SORCS3: variants seen among roughly 807,000 people sequenced by gnomAD.
The protein encoded by SORCS3 is sortilin related VPS10 domain containing receptor 3, also known as VPS10 domain-containing receptor SorCS3.
SORCS3 carries 57 observed loss-of-function variants against 146.3 expected under a neutral mutation model. That is an observed-to-expected ratio of 0.39 (90% CI 0.31 to 0.49). The LOEUF is 0.49. SORCS3 is among the 20% of genes least tolerant of loss of function. SORCS3 has a pLI of 0.92. For missense variants in SORCS3, 1,341 were observed against 1,575.5 expected, an observed-to-expected ratio of 0.85 and a Z score of 2.52; for synonymous variants, 653 against 618.5, an observed-to-expected ratio of 1.06 and a Z score of -0.83.
At chr10:104,833,934 C>T (rs1008270929) in intron 1 of SORCS3, among the ~76,000 whole-genome samples, 7 of 152,222 alleles carry the variant, frequency 4.6e-5, no homozygotes, top group Admixed American at 6.5e-5. Context: ...TCTCACAGTC[C>T]TCGTCTCATA....
intron 2 of SORCS3, among the ~76,000 whole-genome samples, chr10:104,910,172 C>G (rs1007042481): frequency 6.6e-6 from 1 of 152,106 alleles, no homozygotes; most frequent in Non-Finnish European, 1.5e-5. Context: ...TGGAGAGTAG[C>G]GTGAGTGACA....
intron 26 of SORCS3, 81 bp downstream of exon 26, chr10:105,262,572 C>T (rs1441232325): frequency 1.4e-6 from 2 of 1,430,568 alleles, no homozygotes; most frequent in East Asian, 2.4e-5. Context: ...CCATACATTA[C>T]TGGACTGGAG....
intron 22 of SORCS3, 107 bp from the exon 23 acceptor site, chr10:105,252,668 T>G: frequency 1.4e-6 from 2 of 1,410,780 alleles, no homozygotes; most frequent in Non-Finnish European, 2.0e-6. Context: ...AAAAGCTGCA[T>G]TTGAAAAACT....
chr10:105,242,905 T>TTA (rs1306035243), intron 20 of SORCS3, among the ~76,000 whole-genome samples: 6 of 83,870 alleles, frequency 7.2e-5, no homozygotes, highest in East Asian at 3.4e-4. Flanking sequence ...GATATATAAA[T>TTA]TATATATATA....
At chr10:105,102,577 C>T (rs776427180) in intron 6 of SORCS3, among the ~76,000 whole-genome samples, 8 of 152,074 alleles carry the variant, frequency 5.3e-5, no homozygotes, top group African/African-American at 9.7e-5. Flanking sequence ...CTATCGTGTG[C>T]TATGCTTATT....
chr10:105,129,140 T>C (rs2133770901), intron 7 of SORCS3, among the ~76,000 whole-genome samples: 1 of 152,188 alleles, frequency 6.6e-6, no homozygotes, highest in Admixed American at 6.5e-5. Flanking sequence ...TAGTACCTAG[T>C]TTGAGTATAT....
chr10:104,976,467 T>C (rs988178961), intron 3 of SORCS3, among the ~76,000 whole-genome samples: 2 of 152,212 alleles, frequency 1.3e-5, no homozygotes, highest in Non-Finnish European at 2.9e-5. Context: ...TTGGGGGGAC[T>C]GTAAACTAGT....
At chr10:105,243,638 G>A (rs1003556551) in intron 20 of SORCS3, among the ~76,000 whole-genome samples, 2 of 152,098 alleles carry the variant, frequency 1.3e-5, no homozygotes, top group Non-Finnish European at 2.9e-5. Context: ...GAACTCTGAG[G>A]TTTGCCCTTA....
At chr10:104,920,738 C>A (rs769057563) in intron 3 of SORCS3, among the ~76,000 whole-genome samples, 9 of 152,140 alleles carry the variant, frequency 5.9e-5, no homozygotes, top group Non-Finnish European at 1.3e-4. Flanking sequence ...AGGGTATAAT[C>A]ATTTCATCTA....
chr10:104,915,540 G>A (rs1177805399), intron 2 of SORCS3, among the ~76,000 whole-genome samples: 1 of 152,062 alleles, frequency 6.6e-6, no homozygotes, highest in Non-Finnish European at 1.5e-5. Context: ...GCGGGGCTGA[G>A]CAGCATGAGA....
At chr10:104,890,246 T>G (rs1474998532) in intron 2 of SORCS3, among the ~76,000 whole-genome samples, 2 of 152,136 alleles carry the variant, frequency 1.3e-5, no homozygotes, top group Non-Finnish European at 2.9e-5. Context: ...CTTAAAATAT[T>G]TTTCTCTGCC....
At chr10:104,959,236 G>A (rs1033436802) in intron 3 of SORCS3, among the ~76,000 whole-genome samples, 1 of 152,084 alleles carries the variant, frequency 6.6e-6, no homozygotes, top group Admixed American at 6.6e-5. Context: ...GGAACTGAAT[G>A]CTATTCACCC....
In SORCS3 at chr10:105,240,596, C is replaced by A. The variant is rs184011811; in HGVS notation, c.2869-4946C>A. Among the ~76,000 whole-genome samples, 405 of 152,240 alleles carry A rather than the reference C, an allele frequency of 2.7e-3. 3 individuals are homozygous for A. Among genetic ancestry groups the A allele is most frequent in the African/African-American group, 9.2e-3 (382 of 41,544 alleles). The stretch of plus-strand genomic sequence containing the variant: ...AAAGTAAATTTAAGACACCTATATT[C>A]TTTGTCCTAAATGATTCAGCTTGCA... On this transcript the variant is annotated intron_variant, in intron 20 of 26. Transcript: ENST00000369701.
In SORCS3 at chr10:104,641,540, G is replaced by A. The variant is rs2015415724; in HGVS notation, c.213G>A (p.Glu71=). The change falls in exon 1 of 27, where the codon GAG becomes GAA. Residue 71 remains glutamate (E), a synonymous_variant. Transcript: ENST00000369701. The surrounding 1 kb of genome is among the most constrained non-coding windows in gnomAD (Gnocchi z 6.4). ...PRAVASQWPE[E]LASARRAAVL... Reference sequence around the variant, plus strand: ...CAGTGGCCAGCCAGTGGCCGGAGGAGCTGGCGTCGGCGCGGAGAGCCGCCG... The same window carrying A: ...CAGTGGCCAGCCAGTGGCCGGAGGAACTGGCGTCGGCGCGGAGAGCCGCCG... 1 of 1,472,412 alleles carries A rather than the reference G, an allele frequency of 6.8e-7. No individual in the cohort carries two copies. Among genetic ancestry groups the A allele is most frequent in the African/African-American group, 1.5e-5 (1 of 67,598 alleles). 91.2% of individuals were successfully genotyped at this position (1,472,412 alleles called of 1,614,324 possible).
intron 14 of SORCS3, among the ~76,000 whole-genome samples, chr10:105,179,625 T>A (rs2056430999): frequency 1.3e-5 from 2 of 152,152 alleles, no homozygotes; most frequent in African/African-American, 2.4e-5. Context: ...AAATTCAGAG[T>A]TTCTTTTGTA....
At chr10:104,862,691 G>A (rs944955502) in intron 2 of SORCS3, among the ~76,000 whole-genome samples, 1 of 152,088 alleles carries the variant, frequency 6.6e-6, no homozygotes, top group Non-Finnish European at 1.5e-5. Flanking sequence ...AAACTGAATT[G>A]TATGTGTTTT....
At chr10:104,681,124 G>C (rs1054195190) in intron 1 of SORCS3, among the ~76,000 whole-genome samples, 1 of 152,234 alleles carries the variant, frequency 6.6e-6, no homozygotes, top group Non-Finnish European at 1.5e-5. Context: ...ACTTTAAAAC[G>C]GGAAATGTAC....
chr10:105,096,173 G>A (rs1274530060), intron 6 of SORCS3, among the ~76,000 whole-genome samples: 1 of 150,566 alleles, frequency 6.6e-6, no homozygotes, highest in East Asian at 1.9e-4. Context: ...CCCTTACCTG[G>A]GCCCCACCAC....
chr10:104,643,186 G>C (rs1488176065), intron 1 of SORCS3, among the ~76,000 whole-genome samples: 1 of 152,150 alleles, frequency 6.6e-6, no homozygotes, highest in Non-Finnish European at 1.5e-5. Flanking sequence ...CAGCCTTGGG[G>C]AACTGATTTG....
Sources: allele counts gnomAD v4.1 joint callset (sites outside exome capture counted in the v4.1 genomes callset), GRCh38; gene constraint gnomAD v4.1.1; non-coding constraint Gnocchi (gnomAD v3.1); transcripts MANE v1.5; gene names NCBI Gene and HGNC (gene_info 2026-07-23, HGNC 2026-07-21).